Variants in APBB2 observed in about 807,000 individuals in gnomAD.
The protein encoded by APBB2 is amyloid beta precursor protein binding family B member 2.
A neutral mutation model predicts 82.5 loss-of-function variants in APBB2; 38 were observed. The observed-to-expected ratio is 0.46, with a 90% CI of 0.36 to 0.60. The LOEUF (loss-of-function observed/expected upper bound fraction) is 0.60. Among genes scored for constraint, APBB2 ranks in the 20% least tolerant of loss-of-function variants. The pLI is 0.00. For synonymous variants in APBB2, 341 were observed against 368.2 expected (o/e 0.93, Z 0.85); for missense variants, 772 against 972.3 (o/e 0.79, Z 2.74).
chr4:40,823,360 A>C (rs1748663113), intron 16 of APBB2, among the ~76,000 whole-genome samples: 1 of 152,200 alleles, frequency 6.6e-6, no homozygotes, highest in Admixed American at 6.5e-5. Flanking sequence ...AGAGTGAGCG[A>C]CTACTAGCGT....
At chr4:40,817,004 C>T (rs1357929919) in intron 17 of APBB2, among the ~76,000 whole-genome samples, 1 of 152,110 alleles carries the variant, frequency 6.6e-6, no homozygotes, top group Non-Finnish European at 1.5e-5. Flanking sequence ...AGAAATATAA[C>T]AATGTAGTCC....
At chr4:40,899,349 T>C (rs764988456) in intron 10 of APBB2, among the ~76,000 whole-genome samples, 10 of 152,224 alleles carry the variant, frequency 6.6e-5, no homozygotes, top group Non-Finnish European at 1.3e-4. Context: ...TTTGTTCTCT[T>C]TTCTTCCACA....
At chr4:41,142,511 G>A (rs1347811620) in intron 2 of APBB2, among the ~76,000 whole-genome samples, 1 of 152,162 alleles carries the variant, frequency 6.6e-6, no homozygotes, top group East Asian at 1.9e-4. Flanking sequence ...GCAGACTGGA[G>A]GCTCACAGCC....
intron 1 of APBB2, among the ~76,000 whole-genome samples, chr4:41,148,016 C>G (rs1056544372): frequency 6.6e-6 from 1 of 151,992 alleles, no homozygotes; most frequent in African/African-American, 2.4e-5. Flanking sequence ...GATAAATTTA[C>G]AGGTTAAAAT....
At chr4:40,869,501 T>C (rs1457133878) in intron 12 of APBB2, among the ~76,000 whole-genome samples, 1 of 151,800 alleles carries the variant, frequency 6.6e-6, no homozygotes, top group African/African-American at 2.4e-5. Flanking sequence ...GGTGGGAGGA[T>C]CACTTAAGCC....
At chr4:41,180,552 G>C (rs538236710) in intron 1 of APBB2, among the ~76,000 whole-genome samples, 1 of 152,198 alleles carries the variant, frequency 6.6e-6, no homozygotes, top group South Asian at 2.1e-4. Context: ...GGAGGGTGAG[G>C]CTGGAGGATC....
chr4:40,893,219 G>A (rs970623099), intron 11 of APBB2, 46 bp downstream of exon 11: 26 of 1,595,624 alleles, frequency 1.6e-5, no homozygotes, highest in Admixed American at 5.1e-5. Flanking sequence ...CTGAAATGCA[G>A]GAGAACGTAA....
chr4:40,936,982 G>C (rs545874835), intron 7 of APBB2, among the ~76,000 whole-genome samples: 1 of 152,248 alleles, frequency 6.6e-6, no homozygotes, highest in Admixed American at 6.5e-5. Flanking sequence ...TTTCGGTTTG[G>C]ACCACTGTAG....
intron 6 of APBB2, among the ~76,000 whole-genome samples, chr4:40,986,682 G>A (rs758807290): frequency 1.3e-5 from 2 of 152,216 alleles, no homozygotes; most frequent in Non-Finnish European, 1.5e-5. Flanking sequence ...TAGAAACAGG[G>A]ACATCTGGTC....
chr4:40,857,165 G>C (rs1244334624), intron 12 of APBB2: 2 of 985,330 alleles, frequency 2.0e-6, no homozygotes, highest in South Asian at 4.7e-5. Flanking sequence ...TGAAGAGAGC[G>C]GCGCCCGCGC....
At chr4:41,011,160 A>T (rs1190098159) in intron 6 of APBB2, among the ~76,000 whole-genome samples, 22 of 149,928 alleles carry the variant, frequency 1.5e-4, no homozygotes, top group Admixed American at 8.6e-4. Flanking sequence ...TTTTTTTTTT[A>T]ATTTTAATTT....
intron 17 of APBB2, among the ~76,000 whole-genome samples, chr4:40,819,398 C>G (rs1456002685): frequency 6.6e-6 from 1 of 151,888 alleles, no homozygotes; most frequent in African/African-American, 2.4e-5. Flanking sequence ...GTTGGCCAGG[C>G]TGGTCTCAAC....
At chr4:40,897,065 G>C (rs573941470) in intron 10 of APBB2, among the ~76,000 whole-genome samples, 62 of 152,330 alleles carry the variant, frequency 4.1e-4, no homozygotes, top group Middle Eastern at 3.4e-3. Flanking sequence ...TAACAACAAA[G>C]AAGGTAAAAA....
At chr4:41,056,056 T>C (rs938199124) in intron 4 of APBB2, among the ~76,000 whole-genome samples, 1 of 152,010 alleles carries the variant, frequency 6.6e-6, no homozygotes, top group South Asian at 2.1e-4. Flanking sequence ...TAGCCAGGCA[T>C]GGTGGCAGGT....
chr4:41,102,948 CTG>C (rs1406333086), intron 2 of APBB2, among the ~76,000 whole-genome samples: 1 of 152,190 alleles, frequency 6.6e-6, no homozygotes, highest in African/African-American at 2.4e-5. Context: ...CTCCTAAGCA[CTG>C]TGAGTTTTAC....
At chr4:41,040,622 A>G (rs1281789158) in intron 4 of APBB2, among the ~76,000 whole-genome samples, 1 of 152,220 alleles carries the variant, frequency 6.6e-6, no homozygotes, top group Admixed American at 6.5e-5. Flanking sequence ...TCTAAAAAAG[A>G]GGCTCAAAAT....
Position 41,047,226 on chromosome 4 carries a change from C to A in APBB2, c.-50-13922G>T, listed in dbSNP as rs149745006. Among the ~76,000 whole-genome samples, 1,096 of 152,350 alleles carry A rather than the reference C, an allele frequency of 7.2e-3. 9 individuals are homozygous for A. The highest frequency in any genetic ancestry group is 0.061 in the Middle Eastern group (18 of 294). ...TACTCCAACTGTAAGGTACTCGATA[C>A]TCCATTTCTGTTCTCCTATAAGGTC... On this transcript the variant is annotated intron_variant, in intron 4 of 17. Coordinates refer to ENST00000508593, the MANE Select transcript of APBB2 (RefSeq NM_004307.2).
intron 12 of APBB2, among the ~76,000 whole-genome samples, chr4:40,882,681 G>A (rs999051453): frequency 3.3e-5 from 5 of 152,186 alleles, no homozygotes; most frequent in South Asian, 2.1e-4. Flanking sequence ...AAGCAGGAGC[G>A]TAGTCTGCGG....
At chr4:40,949,697 A>G (rs1323946762) in intron 6 of APBB2, among the ~76,000 whole-genome samples, 1 of 152,098 alleles carries the variant, frequency 6.6e-6, no homozygotes, top group African/African-American at 2.4e-5. Flanking sequence ...AAAATTACTT[A>G]GTGAAGCTTT....
Sources: allele counts gnomAD v4.1 joint callset (sites outside exome capture counted in the v4.1 genomes callset), GRCh38; gene constraint gnomAD v4.1.1; transcripts MANE v1.5; gene names NCBI Gene and HGNC (gene_info 2026-07-23, HGNC 2026-07-21).